AKAP9: variants seen among roughly 807,000 people sequenced by gnomAD.
AKAP9 encodes A-kinase anchor protein 9.
In AKAP9, 311 loss-of-function variants were observed where a neutral mutation model predicts 488.5. The observed-to-expected ratio is 0.64, with a 90% confidence interval of 0.58 to 0.70. The LOEUF (loss-of-function observed/expected upper bound fraction) is 0.70, where lower values mean the gene tolerates loss of function less well. Ranked by LOEUF, AKAP9 falls within the 30% of genes least tolerant of loss-of-function variation. The pLI is 0.00. For synonymous variants in AKAP9, 1,462 were observed against 1,483.5 expected, an observed-to-expected ratio of 0.99 and a Z score of 0.33; for missense variants, 4,215 against 4,374.5, an observed-to-expected ratio of 0.96 and a Z score of 1.03.
At chr7:92,023,251 T>G (rs1188583140) in intron 14 of AKAP9, among the ~76,000 whole-genome samples, 2 of 152,334 alleles carry the variant, frequency 1.3e-5, no homozygotes, top group African/African-American at 4.8e-5. Context: ...TATAAAGATG[T>G]TGGTTGTTGT....
rs532344853 is a variant in AKAP9 at position 92,087,430 on chromosome 7, G to C, written c.9213+1014G>C. On this transcript the variant is annotated intron_variant, in intron 37 of 49. Coordinates refer to ENST00000356239, the MANE Select transcript of AKAP9 (RefSeq NM_005751.5). Reference sequence around the variant, plus strand: ...TAGAATATTATGAATAATTTCATGAGAGTAAACTTAAACACTTGGGTGAAA... The same window carrying C: ...TAGAATATTATGAATAATTTCATGACAGTAAACTTAAACACTTGGGTGAAA... Among the ~76,000 whole-genome samples, 5 of 152,238 alleles carry C rather than the reference G, an allele frequency of 3.3e-5. No individual in the cohort carries two copies. In the South Asian group the frequency reaches 1.0e-3, roughly 32 times the overall value.
chr7:92,011,994 G>A (rs1181676730), intron 8 of AKAP9, among the ~76,000 whole-genome samples: 1 of 152,152 alleles, frequency 6.6e-6, no homozygotes, highest in Non-Finnish European at 1.5e-5. Context: ...CTAACTACTT[G>A]GGAAGCTGAG....
chr7:91,963,481 G>GACACACACACACACAC (rs1562902649), intron 1 of AKAP9, among the ~76,000 whole-genome samples: 1 of 115,640 alleles, frequency 8.6e-6, no homozygotes, highest in South Asian at 2.9e-4. Context: ...TAACATATTT[G>GACACACACACACACAC]TCACACACAC....
chr7:91,952,972 C>T (rs1013697280), intron 1 of AKAP9, among the ~76,000 whole-genome samples: 2 of 152,100 alleles, frequency 1.3e-5, no homozygotes, highest in Non-Finnish European at 2.9e-5. Flanking sequence ...ATGAGCCACC[C>T]CACCTGGCTT....
chr7:92,102,930 T>G, intron 46 of AKAP9, 104 bp downstream of exon 46: 6 of 1,030,058 alleles, frequency 5.8e-6, no homozygotes, highest in Non-Finnish European at 8.7e-6. Context: ...TATATTTATA[T>G]AGTAGGAGGT....
Position 92,100,007 on chromosome 7 carries a change from G to C in AKAP9, c.10896+138G>C, listed in dbSNP as rs779834871. ...TAGGATCTGTAGAAAATTTTATAGG[G>C]ATGACAATAATAATATTATTACTAA... On this transcript the variant is annotated intron_variant, in intron 44 of 49. Coordinates refer to ENST00000356239, the MANE Select transcript of AKAP9 (RefSeq NM_005751.5). The C allele has an allele frequency of 4.3e-4, 312 of 721,076 alleles. 1 individual carries two copies. Among genetic ancestry groups the C allele is most frequent in the South Asian group, 5.9e-4 (36 of 60,894 alleles). 44.7% of individuals were successfully genotyped at this position (721,076 alleles called of 1,614,324 possible).
intron 1 of AKAP9, among the ~76,000 whole-genome samples, chr7:91,962,948 A>G (rs932305485): frequency 2.6e-5 from 4 of 152,124 alleles, no homozygotes; most frequent in Non-Finnish European, 5.9e-5. Flanking sequence ...CTCAAACCAA[A>G]TTTTCACCTT....
intron 2 of AKAP9, among the ~76,000 whole-genome samples, chr7:91,978,764 A>G (rs1796017527): frequency 6.6e-6 from 1 of 150,882 alleles, no homozygotes; most frequent in Non-Finnish European, 1.5e-5. Context: ...AATTATTATT[A>G]TTATTTTTTA....
chr7:92,068,322 C>T (rs1197004912), intron 26 of AKAP9, among the ~76,000 whole-genome samples: 3 of 145,604 alleles, frequency 2.1e-5, no homozygotes, highest in African/African-American at 7.7e-5. Flanking sequence ...GCTGAGATCA[C>T]GCCACTGCAC....
intron 15 of AKAP9, among the ~76,000 whole-genome samples, chr7:92,031,178 C>T (rs138558954): frequency 2.0e-5 from 3 of 152,242 alleles, no homozygotes; most frequent in Non-Finnish European, 1.5e-5. Flanking sequence ...CACTGTTTAA[C>T]ATTTTACTTA....
rs1393038162 is a variant in AKAP9 at position 92,002,001 on chromosome 7, T to C, written c.2084T>C (p.Leu695Ser). 2 of 1,611,698 alleles carry C rather than the reference T, an allele frequency of 1.2e-6. No individual in the cohort carries two copies. The highest frequency in any genetic ancestry group is 1.7e-6 in the Non-Finnish European group (2 of 1,179,320). ...AATTTGATAACTAAGCAGAATCAAT[T>C]AATTTTGGAAATTTCAAAGCTAAAA... ...KDNLITKQNQ[L>S]ILEISKLKDL... The change falls in exon 8 of 50, where the codon TTA becomes TCA. Residue 695 changes from leucine to serine, a missense_variant. By Grantham distance (145) the Leu-to-Ser change is moderately radical (BLOSUM62 -2). This residue lies in a region of AKAP9 where 2,361 missense variants were observed against 2,430.0 expected (regional missense o/e 0.97). Transcript: ENST00000356239.
At chr7:92,030,396 A>G (rs1479300777) in intron 15 of AKAP9, among the ~76,000 whole-genome samples, 1 of 152,194 alleles carries the variant, frequency 6.6e-6, no homozygotes, top group Non-Finnish European at 1.5e-5. Flanking sequence ...TAATCCCAGC[A>G]CTTCAGAAGG....
chr7:92,057,765 C>T (rs1218608853), intron 22 of AKAP9: 7 of 223,042 alleles, frequency 3.1e-5, no homozygotes, highest in Non-Finnish European at 6.3e-5. Context: ...CTACAGACAT[C>T]GCTGATATTA....
intron 36 of AKAP9, among the ~76,000 whole-genome samples, 186 bp from the exon 37 acceptor site, chr7:92,086,042 A>G (rs999373823): frequency 6.6e-6 from 1 of 152,162 alleles, no homozygotes; most frequent in African/African-American, 2.4e-5. Flanking sequence ...GTGAGCTGAG[A>G]TCATGCCACT....
chr7:91,980,255 T>C (rs1217567527), intron 2 of AKAP9, 34 bp from the exon 3 acceptor site: 5 of 1,405,670 alleles, frequency 3.6e-6, no homozygotes, highest in Middle Eastern at 1.8e-4. Flanking sequence ...CACAAAAAAG[T>C]CATAATTATA....
intron 1 of AKAP9, among the ~76,000 whole-genome samples, chr7:91,957,464 T>A (rs1427986105): frequency 2.6e-5 from 4 of 152,228 alleles, no homozygotes; most frequent in African/African-American, 4.8e-5. Flanking sequence ...TATCTAATCC[T>A]ATGTGCTGTT....
rs1819147773 is a variant in AKAP9 at position 92,110,344 on chromosome 7, T to C, written c.*185T>C. 1 of 589,198 alleles carries C rather than the reference T, an allele frequency of 1.7e-6. No homozygotes were observed. Among genetic ancestry groups the C allele is most frequent in the Non-Finnish European group, 3.0e-6 (1 of 330,556 alleles). 36.5% of individuals were successfully genotyped at this position (589,198 alleles called of 1,614,324 possible). On this transcript the variant is annotated 3_prime_UTR_variant, in exon 50 of 50. Transcript: ENST00000356239. ...AATTTGTATATATAAGCATTGTGTA[T>C]GTATTCATGCACAATAATTATTGAA... is the stretch of plus-strand genomic sequence containing the variant.
chr7:92,018,017 G>A (rs1801762410), intron 12 of AKAP9, among the ~76,000 whole-genome samples: 1 of 152,114 alleles, frequency 6.6e-6, no homozygotes, highest in African/African-American at 2.4e-5. Flanking sequence ...GTTTATGTCA[G>A]TAATCACAAA....
chr7:92,110,341 G>A lies in AKAP9; in HGVS notation c.*182G>A, dbSNP rs1819147139. On this transcript the variant is annotated 3_prime_UTR_variant, in exon 50 of 50. Transcript: ENST00000356239. ...TGGAATTTGTATATATAAGCATTGT[G>A]TATGTATTCATGCACAATAATTATT... 1 of 589,214 alleles carries A rather than the reference G, an allele frequency of 1.7e-6. No individual in the cohort carries two copies. The allele number at this position is 589,214 out of a possible 1,614,324, so 36.5% of individuals were successfully genotyped here.
Sources: gnomAD v4.1 joint callset for allele counts (sites outside exome capture counted in the v4.1 genomes callset) on GRCh38, gnomAD v4.1.1 for gene constraint, gnomAD v4.1.1 regional missense constraint, MANE v1.5 for transcripts, NCBI Gene and HGNC (gene_info 2026-07-23, HGNC 2026-07-21) for gene names.